Variants in ACAP2 observed in about 807,000 individuals in gnomAD.
The protein encoded by ACAP2 is arf-GAP with coiled-coil, ANK repeat and PH domain-containing protein 2.
ACAP2 carries 39 observed loss-of-function variants against 115.8 expected under a neutral mutation model. That is an observed-to-expected ratio of 0.34 (90% CI 0.26 to 0.44). The LOEUF (loss-of-function observed/expected upper bound fraction) is 0.44. Ranked by LOEUF, ACAP2 falls within the 20% of genes least tolerant of loss-of-function variation. ACAP2 has a pLI of 1.00. For synonymous variants in ACAP2, 289 were observed against 315.8 expected (o/e 0.92, Z 0.90); for missense variants, 662 against 927.6 (o/e 0.71, Z 3.72).
At chr3:195,299,618 C>T (rs1727896188) in intron 15 of ACAP2, among the ~76,000 whole-genome samples, 1 of 151,372 alleles carries the variant, frequency 6.6e-6, no homozygotes, top group South Asian at 2.1e-4. Flanking sequence ...GCGGGTGGAT[C>T]ACGAGGTCAG....
intron 18 of ACAP2, among the ~76,000 whole-genome samples, chr3:195,293,388 T>A (rs1247351177): frequency 1.3e-5 from 2 of 152,048 alleles, no homozygotes; most frequent in African/African-American, 2.4e-5. Flanking sequence ...AAAGCACAAG[T>A]CAAAAGAAAA....
At chr3:195,311,826 C>T (rs1420608131) in intron 10 of ACAP2, among the ~76,000 whole-genome samples, 3 of 152,104 alleles carry the variant, frequency 2.0e-5, no homozygotes, top group Non-Finnish European at 2.9e-5. Flanking sequence ...CATGAGCCAC[C>T]GCGCCCTGCC....
intron 4 of ACAP2, among the ~76,000 whole-genome samples, chr3:195,373,329 A>C (rs1290457382): frequency 2.0e-5 from 3 of 152,164 alleles, no homozygotes; most frequent in Non-Finnish European, 2.9e-5. Context: ...GATATGATAC[A>C]TATTAATCCC....
intron 12 of ACAP2, 37 bp from the exon 13 acceptor site, chr3:195,306,653 A>C: frequency 2.7e-6 from 4 of 1,486,228 alleles, no homozygotes; most frequent in Non-Finnish European, 3.7e-6. Context: ...TCAGACACTA[A>C]GTTAATGCCA....
At chr3:195,408,892 A>G (rs77869177) in intron 1 of ACAP2, among the ~76,000 whole-genome samples, 3,905 of 152,276 alleles carry the variant, frequency 0.026, 145 homozygotes, top group African/African-American at 0.084. Flanking sequence ...TACTGACAAA[A>G]TTCTTTTTTT....
At position 195,377,138 on chromosome 3, in the gene ACAP2, C is replaced by CTTTTTTTTTTTTTTT. The variant is rs749352761; in HGVS notation, c.285+3856_285+3870dup. 3.7e-3 allele frequency among the ~76,000 whole-genome samples: 282 copies of CTTTTTTTTTTTTTTT among 77,096 alleles called. 41 individuals are homozygous for CTTTTTTTTTTTTTTT. The highest frequency in any genetic ancestry group is 0.015 in the East Asian group (24 of 1,598). 50.6% of individuals were successfully genotyped at this position (77,096 alleles called of 152,430 possible). A position where few individuals can be genotyped will look rare whatever the true frequency, so the allele number is the denominator to read the frequency against. On this transcript the variant is annotated intron_variant, in intron 4 of 22. Coordinates refer to ENST00000326793, the MANE Select transcript of ACAP2 (RefSeq NM_012287.6). ...CATTTTACAGAGGAGGAATGTAAAT[C>CTTTTTTTTTTTTTTT]TTTTTTTTTTTTTTTTTTTTTTTGG...
intron 20 of ACAP2, among the ~76,000 whole-genome samples, chr3:195,290,337 C>T (rs1727158161): frequency 6.6e-6 from 1 of 151,908 alleles, no homozygotes; most frequent in Non-Finnish European, 1.5e-5. Context: ...TATGAACAGT[C>T]ACCACACTCC....
At chr3:195,386,230 G>A (rs941068554) in intron 2 of ACAP2, among the ~76,000 whole-genome samples, 3 of 152,138 alleles carry the variant, frequency 2.0e-5, no homozygotes, top group African/African-American at 7.2e-5. Context: ...GAAGACAGAG[G>A]GAGAGGAGAA....
chr3:195,430,185 G>C (rs1002180089), intron 1 of ACAP2, among the ~76,000 whole-genome samples: 26 of 152,204 alleles, frequency 1.7e-4, no homozygotes, highest in African/African-American at 5.5e-4. Context: ...TATCAGGGAG[G>C]GAATTTACTT....
intron 4 of ACAP2, among the ~76,000 whole-genome samples, chr3:195,377,201 G>GTAGT (rs1265042970): frequency 3.8e-5 from 5 of 133,076 alleles, no homozygotes; most frequent in Non-Finnish European, 7.7e-5. Context: ...CTGGAGTGCA[G>GTAGT]TAGTGCAATC....
At position 195,412,855 on chromosome 3, in the gene ACAP2, C is replaced by T. The variant is rs577570791; in HGVS notation, c.54-20708G>A. The T allele has an allele frequency of 4.4e-4, 199 of 452,926 alleles. 2 individuals carry two copies. The highest frequency in any genetic ancestry group is 2.9e-3 in the South Asian group (186 of 63,962). 28.1% of individuals were successfully genotyped at this position (452,926 alleles called of 1,614,324 possible). On this transcript the variant is annotated intron_variant, in intron 1 of 22. Transcript: ENST00000326793. ...TTCCTTGAGCACTTACTGGATGTCA[C>T]GCACTGTACTAGAGACTTAGGAAAC...
intron 10 of ACAP2, among the ~76,000 whole-genome samples, chr3:195,317,778 A>T (rs1056206890): frequency 6.6e-6 from 1 of 152,242 alleles, no homozygotes; most frequent in Admixed American, 6.5e-5. Context: ...ATATATGAAA[A>T]AAATCCTATT....
intron 2 of ACAP2, 29 bp downstream of exon 2, chr3:195,392,061 G>A (rs1026223262): frequency 1.3e-6 from 2 of 1,579,082 alleles, no homozygotes; most frequent in Admixed American, 1.7e-5. Flanking sequence ...GAGAATCAAT[G>A]TTTCAAAAAG....
At chr3:195,417,146 G>A (rs897052270) in intron 1 of ACAP2, among the ~76,000 whole-genome samples, 1 of 141,992 alleles carries the variant, frequency 7.0e-6, no homozygotes, top group African/African-American at 2.7e-5. Flanking sequence ...TGCCCTAGCT[G>A]GTTGTGAACT....
chr3:195,419,012 C>A (rs1165305039), intron 1 of ACAP2, among the ~76,000 whole-genome samples: 1 of 151,990 alleles, frequency 6.6e-6, no homozygotes, highest in African/African-American at 2.4e-5. Context: ...CTTCAATTTC[C>A]TTTTTTTATG....
intron 4 of ACAP2, among the ~76,000 whole-genome samples, chr3:195,361,731 C>T (rs942801107): frequency 1.1e-4 from 16 of 151,724 alleles, no homozygotes; most frequent in African/African-American, 2.9e-4. Context: ...CAAAAATCAA[C>T]GAAACAAAAA....
intron 7 of ACAP2, among the ~76,000 whole-genome samples, chr3:195,333,569 T>C (rs77352876): frequency 0.014 from 2,083 of 152,304 alleles, 51 homozygotes; most frequent in African/African-American, 0.047. Flanking sequence ...TATTTTCAAA[T>C]ACAATGAAAA....
chr3:195,416,575 C>T (rs1713748622), intron 1 of ACAP2, among the ~76,000 whole-genome samples: 1 of 152,012 alleles, frequency 6.6e-6, no homozygotes, highest in Admixed American at 6.6e-5. Flanking sequence ...TAGTTCACTC[C>T]CTAGCTCTCA....
chr3:195,322,037 A>C (rs1729488619), intron 9 of ACAP2, among the ~76,000 whole-genome samples: 1 of 152,220 alleles, frequency 6.6e-6, no homozygotes, highest in Non-Finnish European at 1.5e-5. Flanking sequence ...TTTTATGAGT[A>C]CTATGAAATC....
Sources: allele counts gnomAD v4.1 joint callset (sites outside exome capture counted in the v4.1 genomes callset), GRCh38; gene constraint gnomAD v4.1.1; transcripts MANE v1.5; gene names NCBI Gene and HGNC (gene_info 2026-07-23, HGNC 2026-07-21).